Variants in AHCTF1 observed in about 807,000 individuals in gnomAD.
AHCTF1 encodes AT-hook containing transcription factor 1.
AHCTF1 carries 24 observed loss-of-function variants against 248.4 expected under a neutral mutation model. The ratio of observed to expected loss-of-function variants is 0.10; its 90% confidence interval spans 0.07 to 0.14. AHCTF1 has a LOEUF of 0.14. Ranked by LOEUF, AHCTF1 falls within the 10% of genes least tolerant of loss-of-function variation. The pLI is 1.00. For missense variants in AHCTF1, 2,206 were observed against 2,636.2 expected, an observed-to-expected ratio of 0.84 and a Z score of 3.57; for synonymous variants, 786 against 929.8, an observed-to-expected ratio of 0.85 and a Z score of 2.81.
At chr1:246,929,323 C>T (rs1667162442) in intron 1 of AHCTF1, among the ~76,000 whole-genome samples, 2 of 152,120 alleles carry the variant, frequency 1.3e-5, no homozygotes, top group South Asian at 4.1e-4. Flanking sequence ...GCACAAGAAT[C>T]GCTTGAGCCC....
chr1:246,851,313 A>G lies in AHCTF1; in HGVS notation c.4693T>C (p.Cys1565Arg). 2 of 1,614,128 alleles carry G rather than the reference A, an allele frequency of 1.2e-6. No homozygotes were observed. The highest frequency in any genetic ancestry group is 1.7e-6 in the Non-Finnish European group (2 of 1,179,978). ...GTGTCTTTGTTATCAGCTAAGTCAC[A>G]AAACTGTTGGTCAATAGTATCAAAA... ...YNFDTIDQQF[C>R]DLADNKDTAE... The change falls in exon 33 of 36, where the codon TGT becomes CGT. Residue 1565 changes from cysteine to arginine, a missense_variant. This residue lies in a region of AHCTF1 where 955 missense variants were observed against 1,055.6 expected (regional missense o/e 0.90). Transcript: ENST00000648844.
intron 7 of AHCTF1, among the ~76,000 whole-genome samples, chr1:246,902,972 A>G (rs1241968202): frequency 6.6e-6 from 1 of 152,242 alleles, no homozygotes; most frequent in Non-Finnish European, 1.5e-5. Context: ...TTATATATGC[A>G]TATATCTCAG....
chr1:246,856,714 C>T (rs1312721585), intron 30 of AHCTF1, among the ~76,000 whole-genome samples: 3 of 152,214 alleles, frequency 2.0e-5, no homozygotes, highest in African/African-American at 4.8e-5. Context: ...ATAATCCTTT[C>T]ATACTGGCTT....
At chr1:246,905,448 A>T in intron 6 of AHCTF1, 93 bp downstream of exon 6, 2 of 996,036 alleles carry the variant, frequency 2.0e-6, no homozygotes, top group Non-Finnish European at 3.1e-6. Flanking sequence ...AGTGAGCCGA[A>T]ATCACGCCAC....
At chr1:246,929,445 C>T (rs1404432542) in intron 1 of AHCTF1, among the ~76,000 whole-genome samples, 1 of 141,944 alleles carries the variant, frequency 7.0e-6, no homozygotes, top group African/African-American at 2.8e-5. Flanking sequence ...ACAGTGAAAA[C>T]ATTGGATTTA....
intron 24 of AHCTF1, among the ~76,000 whole-genome samples, chr1:246,868,611 T>TAA (rs36102148): frequency 0.018 from 2,383 of 132,610 alleles, 59 homozygotes; most frequent in African/African-American, 0.059. Context: ...TGGTAAGTGG[T>TAA]AAAAAAAAAA....
chr1:246,888,132 A>G (rs781481823), intron 19 of AHCTF1, 45 bp downstream of exon 19: 1 of 1,584,658 alleles, frequency 6.3e-7, no homozygotes, highest in Non-Finnish European at 8.6e-7. Context: ...GAAATTTTAT[A>G]ATTTTAGTAA....
At chr1:246,879,671 T>C (rs1214674764) in intron 21 of AHCTF1, among the ~76,000 whole-genome samples, 1 of 151,852 alleles carries the variant, frequency 6.6e-6, no homozygotes, top group Non-Finnish European at 1.5e-5. Context: ...CTACTAAGAA[T>C]ACAAAAATTA....
intron 4 of AHCTF1, among the ~76,000 whole-genome samples, chr1:246,908,630 G>A (rs529420324): frequency 6.6e-6 from 1 of 151,334 alleles, no homozygotes; most frequent in East Asian, 2.0e-4. Flanking sequence ...GCTCACGCCT[G>A]TAATCTCAGC....
At chr1:246,852,973 ATAAG>A in intron 32 of AHCTF1, 114 bp downstream of exon 32, 3 of 703,632 alleles carry the variant, frequency 4.3e-6, no homozygotes, top group Middle Eastern at 2.8e-4. Context: ...ATTTTTATAA[ATAAG>A]TTTTTATATA....
At chr1:246,856,649 A>G (rs1221089915) in intron 30 of AHCTF1, among the ~76,000 whole-genome samples, 1 of 152,232 alleles carries the variant, frequency 6.6e-6, no homozygotes, top group Non-Finnish European at 1.5e-5. Flanking sequence ...ATTGCAATAA[A>G]TAACATTAGT....
intron 24 of AHCTF1, among the ~76,000 whole-genome samples, chr1:246,871,578 T>TG (rs983350124): frequency 1.3e-5 from 2 of 152,204 alleles, no homozygotes; most frequent in Non-Finnish European, 2.9e-5. Context: ...TGTCCTCACT[T>TG]GGAGTTAAAG....
At chr1:246,874,986 A>G (rs913469189) in intron 24 of AHCTF1, among the ~76,000 whole-genome samples, 2 of 152,202 alleles carry the variant, frequency 1.3e-5, no homozygotes, top group Non-Finnish European at 2.9e-5. Flanking sequence ...CCTAAACCCC[A>G]TGTAAAATAT....
rs1182033240 is a variant in AHCTF1, at chr1:246,867,517, C to G, written c.3239+144G>C. On this transcript the variant is annotated intron_variant, in intron 25 of 35. Coordinates refer to ENST00000648844, the MANE Select transcript of AHCTF1 (RefSeq NM_001323342.2). ...TTTAAAGGTTTTTAAAAATTCTTCT[C>G]AGAAACATAGCCAACATAAAGAGTT... is the stretch of plus-strand genomic sequence containing the variant. 4 of 1,174,894 alleles carry G rather than the reference C, an allele frequency of 3.4e-6. No homozygotes were observed. In the African/African-American group the frequency reaches 6.3e-5, roughly 18 times the overall value. 72.8% of individuals were successfully genotyped at this position (1,174,894 alleles called of 1,614,324 possible). A position where few individuals can be genotyped will look rare whatever the true frequency, so the allele number is the denominator to read the frequency against.
intron 5 of AHCTF1, among the ~76,000 whole-genome samples, chr1:246,906,094 G>A (rs570972942): frequency 2.0e-5 from 3 of 152,266 alleles, no homozygotes; most frequent in East Asian, 1.9e-4. Flanking sequence ...ATACTGCCAC[G>A]AGACTTTTCA....
At chr1:246,883,661 G>C (rs1044371019) in intron 21 of AHCTF1, among the ~76,000 whole-genome samples, 3 of 152,114 alleles carry the variant, frequency 2.0e-5, no homozygotes, top group African/African-American at 7.2e-5. Flanking sequence ...TACAGGACTA[G>C]TAATTATTTT....
At chr1:246,857,545 A>G in intron 30 of AHCTF1, 146 bp downstream of exon 30, 8 of 875,962 alleles carry the variant, frequency 9.1e-6, no homozygotes, top group Non-Finnish European at 1.4e-5. Flanking sequence ...TGCACAACTA[A>G]ACTTCTTTTA....
chr1:246,857,636 ATAATTTCAT>A, intron 30 of AHCTF1, 46 bp downstream of exon 30: 1 of 1,537,086 alleles, frequency 6.5e-7, no homozygotes, highest in Non-Finnish European at 8.8e-7. Flanking sequence ...CTTCTGGTTC[ATAATTTCAT>A]TAAACTTCTT....
rs778840802 is a variant in AHCTF1, at chr1:246,876,139, T to C, written c.2986A>G (p.Ile996Val). The C allele has an allele frequency of 4.7e-5, 75 of 1,605,912 alleles. No homozygotes were observed. The highest frequency in any genetic ancestry group is 5.9e-5 in the Non-Finnish European group (69 of 1,176,376). ...AGGATTTTTCCATACTGGTCTAATA[T>C]AGAATTTCGAGCCAGTGATCTCTCC... ...LRERSLARNS[I>V]LDQYGKILPR... Residue 996 changes from isoleucine (I) to valine (V), a missense_variant, in exon 24 of 36, where the codon ATA becomes GTA. By Grantham distance (29) the Ile-to-Val change is conservative (BLOSUM62 3). This residue lies in a region of AHCTF1 where 955 missense variants were observed against 1,055.6 expected (regional missense o/e 0.90). Transcript: ENST00000648844.
Sources: allele counts gnomAD v4.1 joint callset (sites outside exome capture counted in the v4.1 genomes callset), GRCh38; gene constraint gnomAD v4.1.1; regional missense constraint gnomAD v4.1.1; transcripts MANE v1.5; gene names NCBI Gene and HGNC (gene_info 2026-07-23, HGNC 2026-07-21).